The following TTC23 variants were observed in gnomAD, a reference collection of about 807,000 sequenced individuals.
TTC23 encodes tetratricopeptide repeat protein 23.
In TTC23, 58 loss-of-function variants were observed where a neutral mutation model predicts 55.1. That is an observed-to-expected ratio of 1.05 (90% CI 0.85 to 1.31). The LOEUF (loss-of-function observed/expected upper bound fraction) is 1.31, where lower values mean the gene tolerates loss of function less well. Ranked by LOEUF, TTC23 falls within the 50% of genes most tolerant of loss-of-function variation. The probability of loss-of-function intolerance (pLI) is 0.00; values close to 1 mark genes in which losing one functional copy is unlikely to be tolerated. For synonymous variants in TTC23, 203 were observed against 199.9 expected, an observed-to-expected ratio of 1.02 and a Z score of -0.13; for missense variants, 516 against 534.4, an observed-to-expected ratio of 0.97 and a Z score of 0.34.
intron 12 of TTC23, chr15:99,155,635 A>G (rs2070433296): frequency 6.5e-6 from 1 of 154,122 alleles, no homozygotes; most frequent in Admixed American, 6.5e-5. Flanking sequence ...CTAGAAATAG[A>G]CTTAAGTCCA....
chr15:99,145,836 AG>A (rs1274080507), intron 12 of TTC23, among the ~76,000 whole-genome samples: 13 of 152,112 alleles, frequency 8.5e-5, no homozygotes, highest in African/African-American at 2.9e-4. Context: ...GAAGGTGGGA[AG>A]GGAGATCCTG....
At chr15:99,232,040 C>A (rs375486919) in intron 4 of TTC23, among the ~76,000 whole-genome samples, 3 of 151,856 alleles carry the variant, frequency 2.0e-5, no homozygotes, top group South Asian at 4.2e-4. Flanking sequence ...GATCCACCCG[C>A]CTTGGCCGCC....
chr15:99,203,285 C>A (rs142018812), intron 8 of TTC23, among the ~76,000 whole-genome samples: 16 of 152,114 alleles, frequency 1.1e-4, no homozygotes, highest in Admixed American at 9.2e-4. Flanking sequence ...GTACCATGTA[C>A]ACCAAAGCTC....
At chr15:99,219,177 T>C in intron 6 of TTC23, 129 bp from the exon 7 acceptor site, 1 of 1,032,460 alleles carries the variant, frequency 9.7e-7, no homozygotes, top group Non-Finnish European at 1.4e-6. Context: ...GAGACGTATC[T>C]GGGCAGCATG....
chr15:99,226,679 C>T (rs1487622157), intron 5 of TTC23, among the ~76,000 whole-genome samples: 1 of 152,030 alleles, frequency 6.6e-6, no homozygotes, highest in Non-Finnish European at 1.5e-5. Flanking sequence ...TTGTGCCTAC[C>T]CTGTAGATTT....
chr15:99,210,884 A>T (rs1409923690), intron 8 of TTC23, among the ~76,000 whole-genome samples: 1 of 152,204 alleles, frequency 6.6e-6, no homozygotes, highest in Non-Finnish European at 1.5e-5. Flanking sequence ...GATGGCAGGT[A>T]GATACATATT....
intron 4 of TTC23, 82 bp from the exon 5 acceptor site, chr15:99,228,814 CA>C: frequency 1.7e-6 from 2 of 1,150,318 alleles, no homozygotes; most frequent in East Asian, 5.3e-5. Flanking sequence ...ACACTATACC[CA>C]TAATTTCTTT....
intron 9 of TTC23, among the ~76,000 whole-genome samples, chr15:99,192,783 C>T (rs1299095459): frequency 6.6e-6 from 1 of 152,186 alleles, no homozygotes. Context: ...AATAGTAGAT[C>T]CATTGACAGT....
At chr15:99,192,740 G>A (rs536887359) in intron 9 of TTC23, among the ~76,000 whole-genome samples, 4 of 152,220 alleles carry the variant, frequency 2.6e-5, no homozygotes, top group Non-Finnish European at 5.9e-5. Flanking sequence ...TAGTGGAGCT[G>A]TGAGAAGAGG....
intron 9 of TTC23, among the ~76,000 whole-genome samples, chr15:99,188,735 A>C (rs2074964974): frequency 6.6e-6 from 1 of 152,128 alleles, no homozygotes; most frequent in Non-Finnish European, 1.5e-5. Context: ...AAAAAATATA[A>C]ATGCAAATTA....
rs117579924 is a variant in TTC23, at chr15:99,137,602, A to G, written c.*408T>C. ...TATTCTCAATCCCTATTAGCCTCCTATAAGAAAGGACTTCCTGAAGTTCAC... is the reference window on the plus strand; with the variant it reads ...TATTCTCAATCCCTATTAGCCTCCTGTAAGAAAGGACTTCCTGAAGTTCAC... On this transcript the variant is annotated 3_prime_UTR_variant, in exon 14 of 14. Coordinates refer to ENST00000394132, the MANE Select transcript of TTC23 (RefSeq NM_001288615.3). 6.6e-4 allele frequency: 108 copies of G among 164,314 alleles called. 6 individuals carry two copies. The East Asian group carries it at 0.016, about 24-fold the overall frequency. The allele number at this position is 164,314 out of a possible 1,614,324, so 10.2% of individuals were successfully genotyped here. A position where few individuals can be genotyped will look rare whatever the true frequency, so the allele number is the denominator to read the frequency against.
chr15:99,212,927 G>A (rs1439781662), intron 8 of TTC23, among the ~76,000 whole-genome samples: 2 of 146,838 alleles, frequency 1.4e-5, no homozygotes, highest in African/African-American at 5.0e-5. Flanking sequence ...CAAGGCTGCC[G>A]TGAGCTGTCA....
At chr15:99,211,728 G>T (rs1200505064) in intron 8 of TTC23, among the ~76,000 whole-genome samples, 1 of 152,132 alleles carries the variant, frequency 6.6e-6, no homozygotes, top group Non-Finnish European at 1.5e-5. Context: ...AACCCCTGGA[G>T]GTCTTATTAT....
chr15:99,206,966 C>T (rs1424525316), intron 8 of TTC23, among the ~76,000 whole-genome samples: 2 of 152,018 alleles, frequency 1.3e-5, no homozygotes, highest in Non-Finnish European at 2.9e-5. Flanking sequence ...CTTAGTACTG[C>T]TTTTGCTGTA....
At chr15:99,200,307 C>T (rs561980869) in intron 8 of TTC23, among the ~76,000 whole-genome samples, 3 of 152,236 alleles carry the variant, frequency 2.0e-5, no homozygotes, top group African/African-American at 7.2e-5. Context: ...CCTGGCTTCA[C>T]CACTGACTAG....
chr15:99,201,561 T>C (rs2076202020), intron 8 of TTC23, among the ~76,000 whole-genome samples: 1 of 152,186 alleles, frequency 6.6e-6, no homozygotes, highest in Non-Finnish European at 1.5e-5. Flanking sequence ...GAAGTAAAGA[T>C]ACTTTTCGGA....
chr15:99,232,500 AG>A (rs1349751571), intron 4 of TTC23, among the ~76,000 whole-genome samples: 1 of 152,026 alleles, frequency 6.6e-6, no homozygotes, highest in Non-Finnish European at 1.5e-5. Context: ...AAATGATCAA[AG>A]GGCCTGATAG....
rs563356993 is a variant in TTC23, at chr15:99,166,277, G to T, written c.866-4410C>A. ...TTTGTAATGTTCTCCCACCTCCCAG[G>T]ATTCCTTCCCCTAACTGCCCCGAAA... On this transcript the variant is annotated intron_variant, in intron 10 of 13. Coordinates refer to ENST00000394132, the MANE Select transcript of TTC23 (RefSeq NM_001288615.3). Among the ~76,000 whole-genome samples, 4 of 152,242 alleles carry T rather than the reference G, an allele frequency of 2.6e-5. No homozygotes were observed. In the East Asian group the frequency reaches 7.7e-4, roughly 29 times the overall value.
intron 10 of TTC23, among the ~76,000 whole-genome samples, chr15:99,169,637 G>A (rs749009366): frequency 2.0e-5 from 3 of 152,160 alleles, no homozygotes; most frequent in Non-Finnish European, 4.4e-5. Context: ...CAGGCCACAG[G>A]GGGAAGAGTT....
Sources: allele counts gnomAD v4.1 joint callset (sites outside exome capture counted in the v4.1 genomes callset), GRCh38; gene constraint gnomAD v4.1.1; transcripts MANE v1.5; gene names NCBI Gene and HGNC (gene_info 2026-07-23, HGNC 2026-07-21).